Variants in CSNK1G1 observed in about 807,000 individuals in gnomAD.
The protein encoded by CSNK1G1 is casein kinase I isoform gamma-1.
In CSNK1G1, 22 loss-of-function variants were observed where a neutral mutation model predicts 59.6. The ratio of observed to expected loss-of-function variants is 0.37; its 90% confidence interval spans 0.26 to 0.53. CSNK1G1 has a LOEUF of 0.53. Ranked by LOEUF, CSNK1G1 falls within the 20% of genes least tolerant of loss-of-function variation. The probability of loss-of-function intolerance (pLI) is 0.89; values close to 1 mark genes in which losing one functional copy is unlikely to be tolerated. For synonymous variants in CSNK1G1, 179 were observed against 177.1 expected (o/e 1.01, Z -0.08); for missense variants, 384 against 519.5 (o/e 0.74, Z 2.54).
At chr15:64,349,178 A>T (rs966433486) in intron 1 of CSNK1G1, among the ~76,000 whole-genome samples, 2 of 151,930 alleles carry the variant, frequency 1.3e-5, no homozygotes, top group African/African-American at 4.8e-5. Flanking sequence ...AAGAAAATGT[A>T]TAACTTTCAT....
chr15:64,339,273 G>A (rs190710733), intron 1 of CSNK1G1, among the ~76,000 whole-genome samples: 53 of 152,200 alleles, frequency 3.5e-4, no homozygotes, highest in African/African-American at 1.2e-3. Context: ...AAATTCAGGG[G>A]GTGAGGACCA....
At chr15:64,331,206 C>A (rs1167710491) in intron 1 of CSNK1G1, among the ~76,000 whole-genome samples, 2 of 135,962 alleles carry the variant, frequency 1.5e-5, no homozygotes, top group Non-Finnish European at 3.1e-5. Flanking sequence ...CAAAAAAGAG[C>A]CCGCATTGCC....
chr15:64,203,950 C>A (rs1334386418), intron 9 of CSNK1G1, among the ~76,000 whole-genome samples: 1 of 151,902 alleles, frequency 6.6e-6, no homozygotes. Flanking sequence ...TGAGATCAGC[C>A]TGGCCAACAT....
chr15:64,266,327 T>G (rs1337889322), intron 2 of CSNK1G1, among the ~76,000 whole-genome samples: 1 of 152,020 alleles, frequency 6.6e-6, no homozygotes, highest in Non-Finnish European at 1.5e-5. Context: ...CCACCCGCCT[T>G]GGCCTCCCAA....
chr15:64,308,312 T>A (rs1348555080), intron 1 of CSNK1G1, among the ~76,000 whole-genome samples: 1 of 152,140 alleles, frequency 6.6e-6, no homozygotes, highest in Non-Finnish European at 1.5e-5. Context: ...TTGCCCAGGT[T>A]GGTCTCAAAC....
intron 2 of CSNK1G1, among the ~76,000 whole-genome samples, chr15:64,293,894 T>G (rs1894873298): frequency 6.6e-6 from 1 of 152,172 alleles, no homozygotes; most frequent in Non-Finnish European, 1.5e-5. Flanking sequence ...TTCCATGAAA[T>G]GGGTCCCTGG....
chr15:64,303,337 G>A (rs1226460178), intron 1 of CSNK1G1, among the ~76,000 whole-genome samples: 3 of 151,248 alleles, frequency 2.0e-5, no homozygotes, highest in African/African-American at 7.3e-5. Context: ...AAAATTGGCT[G>A]GGCATGGTGG....
intron 1 of CSNK1G1, among the ~76,000 whole-genome samples, chr15:64,343,670 C>A (rs1311715620): frequency 6.6e-6 from 1 of 151,982 alleles, no homozygotes; most frequent in Non-Finnish European, 1.5e-5. Context: ...CATTACATAT[C>A]TGTGTTATTC....
At chr15:64,274,143 G>GTTACCCTTTCA (rs1893476699) in intron 2 of CSNK1G1, among the ~76,000 whole-genome samples, 1 of 151,926 alleles carries the variant, frequency 6.6e-6, no homozygotes, top group South Asian at 2.1e-4. Context: ...TCAAATACAT[G>GTTACCCTTTCA]TTACCCTTTT....
chr15:64,329,416 G>A (rs1176218784), intron 1 of CSNK1G1, among the ~76,000 whole-genome samples: 1 of 144,474 alleles, frequency 6.9e-6, no homozygotes, highest in Non-Finnish European at 1.5e-5. Flanking sequence ...ACCTGCTCCT[G>A]AATGACTACT....
intron 1 of CSNK1G1, among the ~76,000 whole-genome samples, chr15:64,347,584 T>A (rs1267594043): frequency 8.9e-5 from 11 of 123,550 alleles, no homozygotes; most frequent in South Asian, 2.7e-4. Context: ...CACTCCGTCT[T>A]AAAAAAAAAA....
intron 10 of CSNK1G1, among the ~76,000 whole-genome samples, chr15:64,198,192 CTTT>C (rs893282431): frequency 1.4e-4 from 15 of 110,558 alleles, no homozygotes; most frequent in East Asian, 7.3e-4. Flanking sequence ...ACAGGATATA[CTTT>C]TTTTTTTTTT....
At position 64,203,114 on chromosome 15, in the gene CSNK1G1, G is replaced by A. The variant is rs765353731; in HGVS notation, c.1075C>T (p.Arg359Trp). Reference protein sequence around the residue: ...ITRESHTHRDRPSQQQPLRNQ... With the variant: ...ITRESHTHRDWPSQQQPLRNQ... ...CGAAGAGGCTGCTGTTGTGATGGCCGATCCCTATGTGTGTGGCTTTCTCGA... is the reference window on the plus strand; with the variant it reads ...CGAAGAGGCTGCTGTTGTGATGGCCAATCCCTATGTGTGTGGCTTTCTCGA... Residue 359 changes from arginine (R) to tryptophan (W), a missense_variant, in exon 10 of 12, where the codon CGG (arginine) becomes TGG (tryptophan). Arg to Trp is a moderately radical substitution (Grantham distance 101). Coordinates refer to ENST00000303052, the MANE Select transcript of CSNK1G1 (RefSeq NM_022048.5). The A allele has an allele frequency of 3.0e-5, 48 of 1,613,964 alleles. No individual in the cohort carries two copies. Among genetic ancestry groups the A allele is most frequent in the Admixed American group, 5.0e-5 (3 of 60,016 alleles).
intron 1 of CSNK1G1, among the ~76,000 whole-genome samples, chr15:64,352,901 C>A (rs1436892607): frequency 1.3e-5 from 2 of 151,604 alleles, no homozygotes; most frequent in African/African-American, 4.8e-5. Context: ...CCTGCCTGGC[C>A]AACATGGCAA....
intron 4 of CSNK1G1, among the ~76,000 whole-genome samples, chr15:64,225,011 T>C (rs1008697502): frequency 9.4e-5 from 14 of 149,316 alleles, no homozygotes; most frequent in East Asian, 1.9e-4. Flanking sequence ...CTTTTCTTTT[T>C]TTTTTTTTTT....
chr15:64,294,089 T>C (rs148156171), intron 2 of CSNK1G1, among the ~76,000 whole-genome samples: 1,886 of 152,324 alleles, frequency 0.012, 29 homozygotes, highest in African/African-American at 0.044. Context: ...GCTTCTTTTT[T>C]TGAGACGGAG....
At chr15:64,285,497 A>T (rs1259923281) in intron 2 of CSNK1G1, among the ~76,000 whole-genome samples, 1 of 152,218 alleles carries the variant, frequency 6.6e-6, no homozygotes, top group Admixed American at 6.5e-5. Context: ...TTGCTGAAGT[A>T]CTTTATAAAA....
At chr15:64,334,254 G>T (rs750132019) in intron 1 of CSNK1G1, among the ~76,000 whole-genome samples, 12 of 152,234 alleles carry the variant, frequency 7.9e-5, no homozygotes, top group South Asian at 4.1e-4. Context: ...CTGACCTTAA[G>T]TGATATGCCT....
At chr15:64,229,368 C>T (rs1452670635) in intron 4 of CSNK1G1, among the ~76,000 whole-genome samples, 1 of 152,146 alleles carries the variant, frequency 6.6e-6, no homozygotes, top group Non-Finnish European at 1.5e-5. Flanking sequence ...ACTGACATCC[C>T]GAGGATGCCA....
Sources: gnomAD v4.1 joint callset for allele counts (sites outside exome capture counted in the v4.1 genomes callset) on GRCh38, gnomAD v4.1.1 for gene constraint, MANE v1.5 for transcripts, NCBI Gene and HGNC (gene_info 2026-07-23, HGNC 2026-07-21) for gene names.